Variants in SLC41A3 observed in about 807,000 individuals in gnomAD.
SLC41A3 encodes solute carrier family 41 member 3.
Under a neutral mutation model 45.4 loss-of-function variants are expected in SLC41A3, and 44 were observed. The ratio of observed to expected loss-of-function variants is 0.97; its 90% CI spans 0.76 to 1.25. The LOEUF (loss-of-function observed/expected upper bound fraction) is 1.25. Among genes scored for constraint, SLC41A3 ranks in the 50% most tolerant of loss-of-function variants. The pLI is 0.00. For missense variants in SLC41A3, 550 were observed against 600.6 expected, an observed-to-expected ratio of 0.92 and a Z score of 0.88; for synonymous variants, 256 against 252.4, an observed-to-expected ratio of 1.01 and a Z score of -0.13.
chr3:126,026,588 C>A lies in SLC41A3; in HGVS notation c.454-109G>T. 1 of 1,378,400 alleles carries A rather than the reference C, an allele frequency of 7.3e-7. No homozygotes were observed. Among genetic ancestry groups the A allele is most frequent in the South Asian group, 1.4e-5 (1 of 71,386 alleles). 85.4% of individuals were successfully genotyped at this position (1,378,400 alleles called of 1,614,324 possible). A position where few individuals can be genotyped will look rare whatever the true frequency, so the allele number is the denominator to read the frequency against. On this transcript the variant is annotated intron_variant, in intron 4 of 10. Transcript: ENST00000360370. This position sits in a 1 kb window ranked among gnomAD's most constrained non-coding sequence, Gnocchi z 4.2. Reference sequence around the variant, plus strand: ...GGGGCCGGGTGCCACATGCTACTGCCTCCTTTCCCTTACCCTAAAATCTCA... The same window carrying A: ...GGGGCCGGGTGCCACATGCTACTGCATCCTTTCCCTTACCCTAAAATCTCA...
rs534523082 is a variant in SLC41A3, at chr3:126,081,827, G to A, written c.-28+2266C>T. Among the ~76,000 whole-genome samples, 9 of 152,350 alleles carry A rather than the reference G, an allele frequency of 5.9e-5. No individual in the cohort carries two copies. In the East Asian group the frequency reaches 9.7e-4, roughly 16 times the overall value. ...CACAGTCTTGGTGAGTCACTCACACGCGTGCCTGAGGAGGTTAACCCAAGA... is the reference window on the plus strand; with the variant it reads ...CACAGTCTTGGTGAGTCACTCACACACGTGCCTGAGGAGGTTAACCCAAGA... On this transcript the variant is annotated intron_variant, in intron 1 of 10. Coordinates refer to ENST00000360370, the MANE Select transcript of SLC41A3 (RefSeq NM_017836.4).
At chr3:126,008,532 G>A (rs1939369421) in intron 10 of SLC41A3, among the ~76,000 whole-genome samples, 200 bp downstream of exon 10, 1 of 152,020 alleles carries the variant, frequency 6.6e-6, no homozygotes, top group South Asian at 2.1e-4. Context: ...GGTGTGGAGT[G>A]TGTGGCATGT....
chr3:126,012,748 A>G lies in SLC41A3; in HGVS notation c.972T>C (p.Gly324=), dbSNP rs1688591957. The stretch of plus-strand genomic sequence containing the variant: ...GAATGGCCACCAGATTGCCACCAAC[A>G]CCTACGAGGAGAAAAGGAATCTGTT... ...GMAIFTPVIC[G]VGGNLVAIQT... is the part of the protein sequence containing the mutation. Residue 324 remains glycine, a splice_region_variant and synonymous_variant, in exon 9 of 11, where the codon GGT becomes GGC. Transcript: ENST00000360370. 1 of 1,613,940 alleles carries G rather than the reference A, an allele frequency of 6.2e-7. No individual in the cohort carries two copies. Among genetic ancestry groups the G allele is most frequent in the Non-Finnish European group, 8.5e-7 (1 of 1,179,974 alleles).
At chr3:126,053,404 G>A (rs1355587107) in intron 2 of SLC41A3, among the ~76,000 whole-genome samples, 2 of 152,180 alleles carry the variant, frequency 1.3e-5, no homozygotes, top group Non-Finnish European at 2.9e-5. Flanking sequence ...AGTTTCTATT[G>A]TTTAAGCTAC....
At chr3:126,067,565 C>A in intron 2 of SLC41A3, 1 of 451,642 alleles carries the variant, frequency 2.2e-6, no homozygotes, top group South Asian at 1.6e-5. Flanking sequence ...ACACCTTGAT[C>A]TTGGACTTCC....
intron 4 of SLC41A3, among the ~76,000 whole-genome samples, chr3:126,029,210 C>A (rs949987296): frequency 6.6e-6 from 1 of 152,134 alleles, no homozygotes; most frequent in African/African-American, 2.4e-5. Context: ...GTTTCCCCAC[C>A]AAATCTCATG....
At chr3:126,035,291 G>A (rs1033724366) in intron 3 of SLC41A3, among the ~76,000 whole-genome samples, 10 of 152,160 alleles carry the variant, frequency 6.6e-5, no homozygotes, top group African/African-American at 2.4e-4. Flanking sequence ...TTCCAGGATG[G>A]TGGTGGGATT....
At chr3:126,013,092 G>A (rs769090462) in intron 8 of SLC41A3, among the ~76,000 whole-genome samples, 1 of 152,160 alleles carries the variant, frequency 6.6e-6, no homozygotes, top group African/African-American at 2.4e-5. Context: ...TGAGGGGAGA[G>A]TGGATAGAAA....
chr3:126,079,235 CA>C, intron 1 of SLC41A3, among the ~76,000 whole-genome samples: 1 of 138,030 alleles, frequency 7.2e-6, no homozygotes, highest in East Asian at 2.0e-4. Flanking sequence ...CACACACACA[CA>C]CACCCACACA....
intron 1 of SLC41A3, among the ~76,000 whole-genome samples, chr3:126,072,798 T>C (rs1944689003): frequency 6.6e-6 from 1 of 152,210 alleles, no homozygotes. Flanking sequence ...TACATCATTC[T>C]ACCATAAAGA....
intron 6 of SLC41A3, among the ~76,000 whole-genome samples, chr3:126,017,412 C>G (rs1459234616): frequency 1.3e-5 from 2 of 152,238 alleles, no homozygotes; most frequent in Non-Finnish European, 2.9e-5. Context: ...AGGCCAGTCC[C>G]AGGCAACCAA....
intron 1 of SLC41A3, among the ~76,000 whole-genome samples, chr3:126,075,504 A>G (rs1311233703): frequency 6.6e-6 from 1 of 151,912 alleles, no homozygotes; most frequent in Non-Finnish European, 1.5e-5. Context: ...GAAAATGACA[A>G]GCTGATTCTA....
intron 2 of SLC41A3, among the ~76,000 whole-genome samples, chr3:126,065,595 T>C (rs1431530744): frequency 2.0e-5 from 3 of 152,186 alleles, no homozygotes; most frequent in Non-Finnish European, 4.4e-5. Context: ...TAGTCTCTAA[T>C]ATGTGCTGCC....
rs372716550 is a variant in SLC41A3, at chr3:126,016,759, G to A, written c.862C>T (p.Pro288Ser). Residue 288 changes from proline to serine, a missense_variant, in exon 7 of 11, where the codon CCA (proline) becomes TCA (serine). Physicochemically the swap from Pro to Ser is moderately conservative, Grantham distance 74 (BLOSUM62 -1). Coordinates refer to ENST00000360370, the MANE Select transcript of SLC41A3 (RefSeq NM_017836.4). ...IVKILKFGWF[P>S]IILAMVISSF... is the part of the protein sequence containing the mutation. ...CTGATGACCATGGCCAGGATGATTG[G>A]GAACCAGCCAAACTTCAGGATCTTC... 6.8e-6 allele frequency: 11 copies of A among 1,612,088 alleles called. No homozygotes were observed. The highest frequency in any genetic ancestry group is 9.3e-6 in the Non-Finnish European group (11 of 1,179,320).
chr3:126,007,811 A>G (rs1470845120), intron 10 of SLC41A3, among the ~76,000 whole-genome samples: 3 of 152,136 alleles, frequency 2.0e-5, no homozygotes, highest in African/African-American at 4.8e-5. Flanking sequence ...ACTCTGGGAG[A>G]TGAGAAAGTG....
chr3:126,070,898 G>C (rs746342154), intron 1 of SLC41A3, among the ~76,000 whole-genome samples: 13 of 151,336 alleles, frequency 8.6e-5, no homozygotes, highest in Non-Finnish European at 1.9e-4. Context: ...CCAATTTAAA[G>C]ACAACCACAT....
chr3:126,091,860 GTC>G (rs1232718700), intron 1 of SLC41A3, among the ~76,000 whole-genome samples: 2 of 152,146 alleles, frequency 1.3e-5, no homozygotes, highest in Non-Finnish European at 2.9e-5. Flanking sequence ...GCTACAAAGA[GTC>G]TGCTCTGTCA....
rs143480515 is a variant in SLC41A3, at chr3:126,070,684, A to G, written c.-27-2438T>C. Among the ~76,000 whole-genome samples the G allele has an allele frequency of 2.2e-3, 336 of 152,342 alleles. 1 individual carries two copies. The highest frequency in any genetic ancestry group is 3.7e-3 in the Non-Finnish European group (253 of 68,034). ...GTAAAGGAGAAATTAAGAGATTTTC[A>G]GATAAACAGACACAGAGCATTCGTC... On this transcript the variant is annotated intron_variant, in intron 1 of 10. Transcript: ENST00000360370.
At chr3:126,075,439 C>CTTTTTTT (rs35369542) in intron 1 of SLC41A3, among the ~76,000 whole-genome samples, 2 of 147,264 alleles carry the variant, frequency 1.4e-5, no homozygotes, top group Non-Finnish European at 1.5e-5. Context: ...TTCCAGTGGT[C>CTTTTTTT]TTTTTTTTTT....
Sources: allele counts gnomAD v4.1 joint callset (sites outside exome capture counted in the v4.1 genomes callset), GRCh38; gene constraint gnomAD v4.1.1; non-coding constraint Gnocchi (gnomAD v3.1); transcripts MANE v1.5; gene names NCBI Gene and HGNC (gene_info 2026-07-23, HGNC 2026-07-21).